CCDC141: variants seen among roughly 807,000 people sequenced by gnomAD.
CCDC141 encodes the protein coiled-coil domain-containing protein 141.
A neutral mutation model predicts 181.0 loss-of-function variants in CCDC141; 168 were observed. That is an observed-to-expected ratio of 0.93 (90% CI 0.82 to 1.05). CCDC141 has a LOEUF of 1.05. CCDC141 is among the 50% of genes least tolerant of loss of function. CCDC141 has a pLI of 0.00. For synonymous variants in CCDC141, 666 were observed against 642.3 expected (o/e 1.04, Z -0.56); for missense variants, 1,902 against 1,788.5 (o/e 1.06, Z -1.14).
Position 178,837,411 on chromosome 2 carries a change from C to A in CCDC141, c.3808G>T (p.Val1270Phe). 1 of 1,614,116 alleles carries A rather than the reference C, an allele frequency of 6.2e-7. No individual in the cohort carries two copies. Among genetic ancestry groups the A allele is most frequent in the Non-Finnish European group, 8.5e-7 (1 of 1,179,992 alleles). The change falls in exon 23 of 24, where the codon GTT becomes TTT. Residue 1270 changes from valine to phenylalanine, a missense_variant. Val to Phe is a conservative substitution (Grantham distance 50). Transcript: ENST00000443758. Reference protein sequence around the residue: ...DAQESVLPPPVAFADACNDKR... With the variant: ...DAQESVLPPPFAFADACNDKR... ...TCATTGCATGCATCCGCAAAGGCAA[C>A]AGGTGGTGGAAGAACAGATTCCTGG...
At chr2:178,894,863 T>G (rs1687332901) in intron 8 of CCDC141, among the ~76,000 whole-genome samples, 1 of 152,136 alleles carries the variant, frequency 6.6e-6, no homozygotes, top group African/African-American at 2.4e-5. Flanking sequence ...CTTGCTGAAA[T>G]TTTCTCATAA....
chr2:178,990,043 G>A (rs1482622264), intron 2 of CCDC141, among the ~76,000 whole-genome samples: 1 of 151,124 alleles, frequency 6.6e-6, no homozygotes, highest in East Asian at 1.9e-4. Context: ...AGATGCTAAG[G>A]CAGGAGAATC....
At chr2:179,012,734 G>A (rs4459764) in intron 2 of CCDC141, among the ~76,000 whole-genome samples, 78,008 of 151,968 alleles carry the variant, frequency 0.51, 23,122 homozygotes, top group Non-Finnish European at 0.67. Flanking sequence ...TTAGTTAACC[G>A]AATCCAACAA....
At chr2:178,929,404 G>C (rs1380553612) in intron 6 of CCDC141, among the ~76,000 whole-genome samples, 8 of 152,022 alleles carry the variant, frequency 5.3e-5, no homozygotes, top group Non-Finnish European at 1.2e-4. Flanking sequence ...GAAACACTTG[G>C]AAAATATGTG....
intron 7 of CCDC141, among the ~76,000 whole-genome samples, chr2:178,910,104 C>T (rs1216925442): frequency 2.0e-5 from 3 of 152,126 alleles, no homozygotes; most frequent in Non-Finnish European, 4.4e-5. Context: ...AAAGACCTTT[C>T]CTTTTTCACT....
At chr2:179,012,218 G>A (rs1266940041) in intron 2 of CCDC141, among the ~76,000 whole-genome samples, 2 of 152,024 alleles carry the variant, frequency 1.3e-5, no homozygotes, top group African/African-American at 4.8e-5. Flanking sequence ...AAAATTGATC[G>A]ACCTTTAGCA....
chr2:179,000,963 T>C (rs992382582), intron 2 of CCDC141, among the ~76,000 whole-genome samples: 2 of 152,138 alleles, frequency 1.3e-5, no homozygotes, highest in African/African-American at 2.4e-5. Flanking sequence ...GTGTGTAACA[T>C]AGAAAGTACA....
intron 6 of CCDC141, among the ~76,000 whole-genome samples, chr2:178,932,174 A>G (rs1376565683): frequency 6.6e-6 from 1 of 152,158 alleles, no homozygotes; most frequent in Non-Finnish European, 1.5e-5. Flanking sequence ...CAAAAACAAA[A>G]ACAAAAAAAC....
In CCDC141 at chr2:178,927,486, A is replaced by G. The variant is rs141812659; in HGVS notation, c.898-8579T>C. Among the ~76,000 whole-genome samples, 22 of 152,214 alleles carry G rather than the reference A, an allele frequency of 1.4e-4. No homozygotes were observed. The East Asian group carries it at 4.1e-3, about 28-fold the overall frequency. On this transcript the variant is annotated intron_variant, in intron 6 of 23. Coordinates refer to ENST00000443758, the MANE Select transcript of CCDC141 (RefSeq NM_173648.4). ...GGGGAGAGAGCAAGGATGACACACC[A>G]TGTCCCAAGCAGGAGAGACAGCTCG...
intron 16 of CCDC141, among the ~76,000 whole-genome samples, chr2:178,867,544 A>C (rs1334826757): frequency 6.6e-6 from 1 of 152,190 alleles, no homozygotes; most frequent in Non-Finnish European, 1.5e-5. Context: ...TCGATCAGAA[A>C]TATTAGATCT....
At chr2:179,005,441 C>A (rs538063098) in intron 2 of CCDC141, among the ~76,000 whole-genome samples, 2 of 152,008 alleles carry the variant, frequency 1.3e-5, no homozygotes, top group Non-Finnish European at 2.9e-5. Context: ...AGATGAGATG[C>A]ATTTAGAGAT....
At chr2:179,035,193 T>C (rs79490973) in intron 2 of CCDC141, among the ~76,000 whole-genome samples, 6,746 of 152,190 alleles carry the variant, frequency 0.044, 167 homozygotes, top group African/African-American at 0.063. Flanking sequence ...GATAGTCATA[T>C]CTTTGAATCT....
intron 8 of CCDC141, 92 bp downstream of exon 8, chr2:178,905,237 C>G (rs1157433025): frequency 1.7e-6 from 2 of 1,187,182 alleles, no homozygotes; most frequent in Admixed American, 2.8e-5. Flanking sequence ...AACATCAGAA[C>G]CAGAAAAAGA....
the CCDC141 span, among the ~76,000 whole-genome samples, chr2:178,821,394 T>TG: frequency 6.6e-6 from 1 of 152,202 alleles, no homozygotes; most frequent in Non-Finnish European, 1.5e-5. Flanking sequence ...TTCTAAACCT[T>TG]GACTGTTCTC....
intron 4 of CCDC141, among the ~76,000 whole-genome samples, chr2:178,965,360 G>T (rs1053300829): frequency 6.6e-6 from 1 of 152,186 alleles, no homozygotes; most frequent in African/African-American, 2.4e-5. Flanking sequence ...AACAGCTCGG[G>T]TCTGCAGCTC....
intron 2 of CCDC141, among the ~76,000 whole-genome samples, chr2:179,015,099 T>TATATATATC (rs1559048705): frequency 7.9e-5 from 4 of 50,530 alleles, no homozygotes; most frequent in Admixed American, 3.9e-4. Context: ...TATATATATA[T>TATATATATC]ATATAATATA....
intron 6 of CCDC141, among the ~76,000 whole-genome samples, chr2:178,936,337 AT>A (rs1398665874): frequency 6.6e-6 from 1 of 152,126 alleles, no homozygotes; most frequent in Non-Finnish European, 1.5e-5. Context: ...TTATTCCAGC[AT>A]TTATTGAATA....
At chr2:179,043,753 C>T (rs1409532295) in intron 2 of CCDC141, among the ~76,000 whole-genome samples, 1 of 152,136 alleles carries the variant, frequency 6.6e-6, no homozygotes, top group Non-Finnish European at 1.5e-5. Context: ...GCATTCTCCT[C>T]GTATACCAGC....
chr2:179,043,994 C>G (rs748409892), intron 2 of CCDC141, among the ~76,000 whole-genome samples: 1 of 152,208 alleles, frequency 6.6e-6, no homozygotes, highest in East Asian at 1.9e-4. Flanking sequence ...AAACCGCTAG[C>G]ATTCTTATAT....
Sources: gnomAD v4.1 joint callset for allele counts (sites outside exome capture counted in the v4.1 genomes callset) on GRCh38, gnomAD v4.1.1 for gene constraint, MANE v1.5 for transcripts, NCBI Gene and HGNC (gene_info 2026-07-23, HGNC 2026-07-21) for gene names.